PRKN: variants seen among roughly 807,000 people sequenced by gnomAD.
PRKN encodes the protein E3 ubiquitin-protein ligase parkin.
In PRKN, 56 loss-of-function variants were observed where a neutral mutation model predicts 59.5. The observed-to-expected ratio is 0.94, with a 90% CI of 0.76 to 1.18. The LOEUF is 1.18. PRKN is among the 50% of genes most tolerant of loss of function. The probability of loss-of-function intolerance (pLI) is 0.00; values close to 1 mark genes in which losing one functional copy is unlikely to be tolerated. For synonymous variants in PRKN, 250 were observed against 222.1 expected (o/e 1.13, Z -1.12); for missense variants, 657 against 596.4 (o/e 1.10, Z -1.06).
chr6:162,104,857 C>G (rs758628087), intron 4 of PRKN, among the ~76,000 whole-genome samples: 3 of 152,078 alleles, frequency 2.0e-5, no homozygotes, highest in Non-Finnish European at 4.4e-5. Context: ...TAATAGGCAT[C>G]CTTAAAGAAG....
chr6:162,213,734 T>TA (rs536871797), intron 3 of PRKN, among the ~76,000 whole-genome samples: 161 of 147,140 alleles, frequency 1.1e-3, no homozygotes, highest in Non-Finnish European at 2.1e-3. Context: ...CACCCTGCCT[T>TA]AAAAAAATAA....
intron 1 of PRKN, among the ~76,000 whole-genome samples, chr6:162,698,851 G>A (rs1778058395): frequency 6.6e-6 from 1 of 152,104 alleles, no homozygotes; most frequent in African/African-American, 2.4e-5. Context: ...TCACTACTGA[G>A]CCCCAAAGAA....
chr6:162,250,188 G>C (rs1159377016), intron 3 of PRKN, among the ~76,000 whole-genome samples: 2 of 93,996 alleles, frequency 2.1e-5, no homozygotes, highest in Admixed American at 9.0e-5. Context: ...TATTTATAAG[G>C]GGGGGGGCAG....
At position 162,302,428 on chromosome 6, in the gene PRKN, G is replaced by A. The variant is rs547502659; in HGVS notation, c.172-39663C>T. On this transcript the variant is annotated intron_variant, in intron 2 of 11. Coordinates refer to ENST00000366898, the MANE Select transcript of PRKN (RefSeq NM_004562.3). ...AGAGACGTAGCTCATCCTGGTGAAGGAGACTTCAATCATGAGAGAAATTCA... is the reference window on the plus strand; with the variant it reads ...AGAGACGTAGCTCATCCTGGTGAAGAAGACTTCAATCATGAGAGAAATTCA... Among the ~76,000 whole-genome samples, 6 of 152,208 alleles carry A rather than the reference G, an allele frequency of 3.9e-5. No homozygotes were observed. The East Asian group carries it at 1.2e-3, about 29-fold the overall frequency.
chr6:162,007,981 A>G (rs1782325903), intron 5 of PRKN, among the ~76,000 whole-genome samples: 1 of 152,174 alleles, frequency 6.6e-6, no homozygotes, highest in Non-Finnish European at 1.5e-5. Context: ...AGATGTCGCT[A>G]GGGGAGCATT....
At position 162,667,069 on chromosome 6, in the gene PRKN, T is replaced by C. The variant is rs1584012742; in HGVS notation, c.7+60593A>G. 2.6e-5 allele frequency among the ~76,000 whole-genome samples: 4 copies of C among 152,074 alleles called. No homozygotes were observed. In the South Asian group the frequency reaches 6.2e-4, roughly 24 times the overall value. On this transcript the variant is annotated intron_variant, in intron 1 of 11. Coordinates refer to ENST00000366898, the MANE Select transcript of PRKN (RefSeq NM_004562.3). Reference sequence around the variant, plus strand: ...CAAGTACAATAAAGAAAATTATCATTTGAAAGACATTCTTGATAATACTAC... The same window carrying C: ...CAAGTACAATAAAGAAAATTATCATCTGAAAGACATTCTTGATAATACTAC...
rs1414622941 is a variant in PRKN, at chr6:161,414,585, A to G, written c.1084-27708T>C. 2.0e-5 allele frequency among the ~76,000 whole-genome samples: 3 copies of G among 152,222 alleles called. No individual in the cohort carries two copies. The highest frequency in any genetic ancestry group is 4.4e-5 in the Non-Finnish European group (3 of 68,038). ...CCTTTTGGCTGAGACTGTTTTGAAA[A>G]ATAGAAAATGGCAGGTAATTCAGGT... is the stretch of plus-strand genomic sequence containing the variant. On this transcript the variant is annotated intron_variant, in intron 9 of 11. Transcript: ENST00000366898. The surrounding 1 kb of genome is among the most constrained non-coding windows in gnomAD (Gnocchi z 5.3).
At chr6:162,638,765 G>T (rs80288682) in intron 1 of PRKN, among the ~76,000 whole-genome samples, 2 of 53,358 alleles carry the variant, frequency 3.7e-5, no homozygotes, top group Admixed American at 5.4e-4. Flanking sequence ...TTTTTTTTTG[G>T]CAGAGTTTTG....
chr6:161,891,426 T>C (rs1030824789), intron 6 of PRKN, among the ~76,000 whole-genome samples: 1 of 152,234 alleles, frequency 6.6e-6, no homozygotes, highest in African/African-American at 2.4e-5. Context: ...GTTTACTTCC[T>C]TCAATTTCGT....
intron 3 of PRKN, among the ~76,000 whole-genome samples, chr6:162,257,787 C>T (rs1045542146): frequency 3.3e-5 from 5 of 152,094 alleles, no homozygotes; most frequent in East Asian, 1.9e-4. Flanking sequence ...GAAAACCTTC[C>T]GGGTTGTGTT....
chr6:162,662,167 A>G (rs1054945981), intron 1 of PRKN, among the ~76,000 whole-genome samples: 1 of 151,628 alleles, frequency 6.6e-6, no homozygotes, highest in African/African-American at 2.4e-5. Flanking sequence ...TGATAGTTCT[A>G]TTTTTAGTTC....
chr6:162,686,364 T>A (rs765081938), intron 1 of PRKN, among the ~76,000 whole-genome samples: 12 of 152,210 alleles, frequency 7.9e-5, no homozygotes, highest in Middle Eastern at 6.8e-3. Flanking sequence ...AACAAGGAAG[T>A]CATGTCCACA....
intron 2 of PRKN, among the ~76,000 whole-genome samples, chr6:162,331,145 G>A (rs1449383295): frequency 4.7e-5 from 7 of 149,440 alleles, no homozygotes; most frequent in South Asian, 2.1e-4. Context: ...CCTGGCCAAC[G>A]TGGTGAAACC....
chr6:162,621,474 T>C (rs1045512278), intron 1 of PRKN, among the ~76,000 whole-genome samples: 1 of 152,182 alleles, frequency 6.6e-6, no homozygotes, highest in African/African-American at 2.4e-5. Context: ...AATCTTCCAC[T>C]GACCAGAGAA....
At chr6:161,737,026 G>C (rs576273540) in intron 7 of PRKN, among the ~76,000 whole-genome samples, 2 of 152,284 alleles carry the variant, frequency 1.3e-5, no homozygotes, top group South Asian at 4.2e-4. Flanking sequence ...ACAGTGAAGG[G>C]GAGGCGGAGG....
At chr6:162,599,034 T>C (rs1320639832) in intron 1 of PRKN, among the ~76,000 whole-genome samples, 1 of 152,156 alleles carries the variant, frequency 6.6e-6, no homozygotes, top group East Asian at 1.9e-4. Context: ...AAGTTTCACA[T>C]ATTATTTTAT....
chr6:162,571,819 A>G (rs1232600436), intron 1 of PRKN, among the ~76,000 whole-genome samples: 1 of 152,192 alleles, frequency 6.6e-6, no homozygotes, highest in Non-Finnish European at 1.5e-5. Flanking sequence ...AGAAATATGA[A>G]GAGAACTAGG....
At chr6:162,123,701 T>C (rs1248208724) in intron 4 of PRKN, among the ~76,000 whole-genome samples, 1 of 152,200 alleles carries the variant, frequency 6.6e-6, no homozygotes, top group East Asian at 1.9e-4. Context: ...GGTATACCCA[T>C]GGAGTATTTA....
chr6:162,156,298 T>C (rs1036994011), intron 4 of PRKN, among the ~76,000 whole-genome samples: 1 of 152,112 alleles, frequency 6.6e-6, no homozygotes, highest in South Asian at 2.1e-4. Flanking sequence ...ATAGGATTGA[T>C]GTATATATGA....
Sources: allele counts gnomAD v4.1 joint callset (sites outside exome capture counted in the v4.1 genomes callset), GRCh38; gene constraint gnomAD v4.1.1; non-coding constraint Gnocchi (gnomAD v3.1); transcripts MANE v1.5; gene names NCBI Gene and HGNC (gene_info 2026-07-23, HGNC 2026-07-21).